Variants in ZNF589 observed in about 807,000 individuals in gnomAD.
The protein encoded by ZNF589 is KRAB-zinc finger protein SZF1-1.
In ZNF589, 17 loss-of-function variants were observed where a neutral mutation model predicts 13.6. The observed-to-expected ratio is 1.25, with a 90% CI of 0.86 to 1.88. The LOEUF is 1.88. Among genes scored for constraint, ZNF589 ranks in the 40% most tolerant of loss-of-function variants. The pLI is 0.00. For synonymous variants in ZNF589, 148 were observed against 161.6 expected, an observed-to-expected ratio of 0.92 and a Z score of 0.64; for missense variants, 407 against 434.0, an observed-to-expected ratio of 0.94 and a Z score of 0.55.
At chr3:48,255,628 G>A (rs543270892) in intron 2 of ZNF589, among the ~76,000 whole-genome samples, 11 of 151,796 alleles carry the variant, frequency 7.2e-5, no homozygotes, top group Admixed American at 2.6e-4. Flanking sequence ...CGAGTAGCCG[G>A]TATTACAGGT....
chr3:48,254,444 A>G (rs1268993004), intron 2 of ZNF589, among the ~76,000 whole-genome samples: 1 of 152,200 alleles, frequency 6.6e-6, no homozygotes, highest in East Asian at 1.9e-4. Context: ...TTTGTTAGCT[A>G]TTCCAGGTCT....
At chr3:48,246,703 C>G (rs540122913) in intron 1 of ZNF589, among the ~76,000 whole-genome samples, 1 of 152,262 alleles carries the variant, frequency 6.6e-6, no homozygotes, top group South Asian at 2.1e-4. Flanking sequence ...GAGTCTCGCT[C>G]TGTCGCCCAG....
intron 2 of ZNF589, chr3:48,256,369 G>A (rs2033903241): frequency 3.6e-6 from 2 of 552,814 alleles, no homozygotes; most frequent in Admixed American, 4.0e-5. Flanking sequence ...CTTCCAAGGT[G>A]TCCTTGAGTA....
chr3:48,248,738 A>G (rs1257017009), intron 2 of ZNF589, among the ~76,000 whole-genome samples: 1 of 152,226 alleles, frequency 6.6e-6, no homozygotes, highest in Non-Finnish European at 1.5e-5. Context: ...TATGATGAAG[A>G]CAGCTAAAAC....
At chr3:48,265,675 C>T (rs1035512779) in intron 3 of ZNF589, among the ~76,000 whole-genome samples, 1 of 152,068 alleles carries the variant, frequency 6.6e-6, no homozygotes, top group African/African-American at 2.4e-5. Context: ...GCACAAATGC[C>T]ATAAAACTGC....
At chr3:48,257,405 G>A (rs1418513915) in intron 2 of ZNF589, among the ~76,000 whole-genome samples, 2 of 151,886 alleles carry the variant, frequency 1.3e-5, no homozygotes, top group South Asian at 2.1e-4. Context: ...AATTACAGGC[G>A]TGTGCCACCA....
intron 3 of ZNF589, among the ~76,000 whole-genome samples, chr3:48,266,594 C>A (rs2034021590): frequency 6.6e-6 from 1 of 152,192 alleles, no homozygotes; most frequent in South Asian, 2.1e-4. Context: ...GGGAGGCCAA[C>A]CAAGGCGGGC....
At position 48,268,755 on chromosome 3, in the gene ZNF589, C is replaced by T. The variant is rs376706270; in HGVS notation, c.1064C>T (p.Thr355Met). ...SELIKHQRIH[T>M]GDKPYVCRD ...CTCATTAAGCACCAGAGAATTCACA[C>T]GGGGGATAAGCCTTATGTGTGCAGA... Residue 355 changes from threonine to methionine, a missense_variant, in exon 4 of 4, where the codon ACG becomes ATG. Thr to Met is a moderately conservative substitution (Grantham distance 81). Transcript: ENST00000354698. 15 of 1,613,650 alleles carry T rather than the reference C, an allele frequency of 9.3e-6. No individual in the cohort carries two copies. The highest frequency in any genetic ancestry group is 5.3e-5 in the African/African-American group (4 of 74,886).
intron 2 of ZNF589, among the ~76,000 whole-genome samples, chr3:48,252,436 C>T (rs1008890050): frequency 2.0e-5 from 3 of 150,654 alleles, no homozygotes; most frequent in African/African-American, 7.3e-5. Context: ...TGTGATCCAC[C>T]CGCCTCGGCC....
intron 2 of ZNF589, among the ~76,000 whole-genome samples, chr3:48,250,785 A>G (rs1186248857): frequency 6.7e-6 from 1 of 149,954 alleles, no homozygotes; most frequent in Admixed American, 6.7e-5. Context: ...CTTTTGTCTT[A>G]TATTTGTTTT....
Position 48,247,693 on chromosome 3 carries a change from C to T in ZNF589, c.96+16C>T, listed in dbSNP as rs1323343301. On this transcript the variant is annotated intron_variant, in intron 2 of 3. Transcript: ENST00000354698. ...TAGATATCTGGTGAGTTGGGCCCGC[C>T]CTTCTCTTTTCTGAAATGCTGGCTC... 1 of 1,612,194 alleles carries T rather than the reference C, an allele frequency of 6.2e-7. No individual in the cohort carries two copies. The highest frequency in any genetic ancestry group is 1.1e-5 in the South Asian group (1 of 90,710).
intron 3 of ZNF589, among the ~76,000 whole-genome samples, chr3:48,265,740 A>G (rs1412183702): frequency 6.6e-6 from 1 of 152,150 alleles, no homozygotes; most frequent in Admixed American, 6.6e-5. Flanking sequence ...TTTCTTTACT[A>G]TTCATTCCCT....
chr3:48,242,983 G>A (rs1050362900), intron 1 of ZNF589, among the ~76,000 whole-genome samples: 3 of 151,520 alleles, frequency 2.0e-5, no homozygotes, highest in Admixed American at 6.6e-5. Flanking sequence ...TGAGGCGCAA[G>A]AATTGCTTGA....
At position 48,260,827 on chromosome 3, in the gene ZNF589, C is replaced by T. The variant is rs1204538636; in HGVS notation, c.111C>T (p.Phe37=). 26 of 1,613,962 alleles carry T rather than the reference C, an allele frequency of 1.6e-5. No individual in the cohort carries two copies. The highest frequency in any genetic ancestry group is 5.3e-5 in the African/African-American group (4 of 74,898). Residue 37 remains phenylalanine (F), a synonymous_variant, in exon 3 of 4, where the codon TTC becomes TTT. Coordinates refer to ENST00000354698, the MANE Select transcript of ZNF589 (RefSeq NM_016089.3). The part of the protein sequence containing the change: ...EKPRYLGPVT[F]EDVAVLFTEA... Reference sequence around the variant, plus strand: ...GGTTGATTTAGGGACCAGTGACTTTCGAGGATGTGGCTGTGCTTTTCACTG... The same window carrying T: ...GGTTGATTTAGGGACCAGTGACTTTTGAGGATGTGGCTGTGCTTTTCACTG...
At chr3:48,256,859 C>G (rs1165584447) in intron 2 of ZNF589, 2 of 1,151,002 alleles carry the variant, frequency 1.7e-6, no homozygotes, top group Non-Finnish European at 2.5e-6. Flanking sequence ...AAGCTGAGAC[C>G]AGCTGGTCAC....
At chr3:48,242,542 G>C (rs1045576516) in intron 1 of ZNF589, among the ~76,000 whole-genome samples, 1 of 151,986 alleles carries the variant, frequency 6.6e-6, no homozygotes, top group Non-Finnish European at 1.5e-5. Context: ...GGGCTCAAGG[G>C]ATCCTCCCGC....
chr3:48,255,651 G>A (rs949467216), intron 2 of ZNF589, among the ~76,000 whole-genome samples: 5 of 151,920 alleles, frequency 3.3e-5, no homozygotes, highest in Non-Finnish European at 5.9e-5. Flanking sequence ...TACCAACCAC[G>A]CCTGGCTAGC....
At chr3:48,263,520 A>AT (rs1171917388) in intron 3 of ZNF589, among the ~76,000 whole-genome samples, 1 of 152,208 alleles carries the variant, frequency 6.6e-6, no homozygotes, top group Non-Finnish European at 1.5e-5. Context: ...AGGCGGGCAG[A>AT]TCATGAGGTC....
chr3:48,268,443 G>C lies in ZNF589; in HGVS notation c.752G>C (p.Arg251Thr). The change falls in exon 4 of 4, where the codon AGG (arginine) becomes ACG (threonine). Residue 251 changes from arginine to threonine, a missense_variant. Arg to Thr is a moderately conservative substitution (Grantham distance 71). Coordinates refer to ENST00000354698, the MANE Select transcript of ZNF589 (RefSeq NM_016089.3). ...SSDKRQSQVC[R>T]ECGRGFSRKS... is the part of the protein sequence containing the mutation. ...GACAAAAGGCAGTCACAGGTGTGCA[G>C]GGAGTGTGGGCGAGGCTTTAGCAGG... 1 of 1,614,210 alleles carries C rather than the reference G, an allele frequency of 6.2e-7. No individual in the cohort carries two copies. Among genetic ancestry groups the C allele is most frequent in the East Asian group, 2.2e-5 (1 of 44,888 alleles).
Sources: gnomAD v4.1 joint callset for allele counts (sites outside exome capture counted in the v4.1 genomes callset) on GRCh38, gnomAD v4.1.1 for gene constraint, MANE v1.5 for transcripts, NCBI Gene and HGNC (gene_info 2026-07-23, HGNC 2026-07-21) for gene names.